ANKS1B: variants seen among roughly 807,000 people sequenced by gnomAD.
ANKS1B encodes the protein ankyrin repeat and sterile alpha motif domain-containing protein 1B.
Under a neutral mutation model 148.3 loss-of-function variants are expected in ANKS1B, and 36 were observed. The observed-to-expected ratio is 0.24, with a 90% CI of 0.19 to 0.32. ANKS1B has a LOEUF of 0.32. Ranked by LOEUF, ANKS1B falls within the 10% of genes least tolerant of loss-of-function variation. ANKS1B has a pLI of 1.00. For synonymous variants in ANKS1B, 542 were observed against 560.8 expected (o/e 0.97, Z 0.47); for missense variants, 1,157 against 1,542.6 (o/e 0.75, Z 4.19).
chr12:99,690,991 T>G (rs555021162), intron 8 of ANKS1B, among the ~76,000 whole-genome samples: 1 of 152,340 alleles, frequency 6.6e-6, no homozygotes, highest in South Asian at 2.1e-4. Context: ...CTGAAATCTA[T>G]GCAGAGATTC....
At chr12:99,871,334 C>G (rs2091489438) in intron 1 of ANKS1B, among the ~76,000 whole-genome samples, 2 of 152,050 alleles carry the variant, frequency 1.3e-5, no homozygotes, top group South Asian at 4.2e-4. Flanking sequence ...AGTGTGAACT[C>G]CAATAATGTG....
At chr12:98,792,208 T>C (rs2098877357) in intron 22 of ANKS1B, among the ~76,000 whole-genome samples, 1 of 152,240 alleles carries the variant, frequency 6.6e-6, no homozygotes, top group African/African-American at 2.4e-5. Context: ...ATTTCTGACT[T>C]AAAAATAATC....
intron 17 of ANKS1B, among the ~76,000 whole-genome samples, chr12:98,954,126 C>A (rs575547758): frequency 1.1e-4 from 17 of 152,258 alleles, no homozygotes; most frequent in African/African-American, 3.8e-4. Context: ...TAGCATGATC[C>A]TTGAAGTGAT....
intron 12 of ANKS1B, among the ~76,000 whole-genome samples, chr12:99,389,018 T>C (rs183331420): frequency 6.6e-6 from 1 of 152,210 alleles, no homozygotes; most frequent in East Asian, 2.0e-4. Flanking sequence ...TAGCAAGTTA[T>C]GGGCCTCACA....
intron 12 of ANKS1B, among the ~76,000 whole-genome samples, chr12:99,369,007 C>T (rs11836299): frequency 0.3 from 45,209 of 151,966 alleles, 7,745 homozygotes; most frequent in East Asian, 0.49. Context: ...TAAACCCTTA[C>T]GTGAAAGTTC....
chr12:99,413,367 A>G (rs1328389656), intron 11 of ANKS1B, among the ~76,000 whole-genome samples: 1 of 152,186 alleles, frequency 6.6e-6, no homozygotes, highest in Non-Finnish European at 1.5e-5. Context: ...CCCGAAAGAC[A>G]CCACACTATA....
intron 12 of ANKS1B, among the ~76,000 whole-genome samples, chr12:99,283,449 C>T (rs986897847): frequency 6.6e-6 from 1 of 152,134 alleles, no homozygotes; most frequent in Non-Finnish European, 1.5e-5. Context: ...ACTGTTTGTT[C>T]TCTTCCTGTG....
intron 4 of ANKS1B, among the ~76,000 whole-genome samples, chr12:99,792,497 C>T (rs1364534833): frequency 6.6e-6 from 1 of 151,638 alleles, no homozygotes; most frequent in Middle Eastern, 3.4e-3. Context: ...AACAAAACTC[C>T]AACAAACCAA....
chr12:98,846,944 A>G (rs1209513406), intron 17 of ANKS1B, among the ~76,000 whole-genome samples: 1 of 152,248 alleles, frequency 6.6e-6, no homozygotes, highest in African/African-American at 2.4e-5. Flanking sequence ...ACTTTATTCC[A>G]GTATGACTGA....
intron 12 of ANKS1B, among the ~76,000 whole-genome samples, chr12:99,263,116 G>C (rs554744429): frequency 6.6e-6 from 1 of 152,076 alleles, no homozygotes; most frequent in South Asian, 2.1e-4. Context: ...CGTAGGTGAG[G>C]AGTTGAATGC....
At chr12:99,765,751 G>A (rs765051578) in intron 8 of ANKS1B, among the ~76,000 whole-genome samples, 4 of 152,104 alleles carry the variant, frequency 2.6e-5, no homozygotes, top group African/African-American at 7.2e-5. Context: ...TATTTAGAAC[G>A]TCTGGACAAA....
intron 12 of ANKS1B, among the ~76,000 whole-genome samples, chr12:99,280,949 T>A (rs1188364736): frequency 1.4e-5 from 2 of 147,052 alleles, no homozygotes; most frequent in Non-Finnish European, 3.1e-5. Context: ...ACACACACTC[T>A]CTCTCTCTCT....
At chr12:99,648,212 A>AGTAGCTGTT (rs1171599489) in intron 9 of ANKS1B, 9 of 1,614,092 alleles carry the variant, frequency 5.6e-6, no homozygotes, top group Non-Finnish European at 6.8e-6. Context: ...TACACGGCCC[A>AGTAGCTGTT]AAGCAGCCCC....
At chr12:99,928,175 G>A (rs2094519093) in intron 1 of ANKS1B, among the ~76,000 whole-genome samples, 1 of 152,006 alleles carries the variant, frequency 6.6e-6, no homozygotes, top group Non-Finnish European at 1.5e-5. Flanking sequence ...AAAAATGGTG[G>A]CTTGGGTAAT....
intron 8 of ANKS1B, among the ~76,000 whole-genome samples, chr12:99,707,134 T>C (rs922968861): frequency 3.3e-5 from 5 of 152,088 alleles, no homozygotes; most frequent in Non-Finnish European, 4.4e-5. Flanking sequence ...AGACCATGAT[T>C]TGAGCACCTC....
At position 99,926,551 on chromosome 12, in the gene ANKS1B, C is replaced by T. The variant is rs115771183; in HGVS notation, c.134+57553G>A. ...CAGCTCTTCCTGGGTCTCAGGCCTG[C>T]TGGTCTTCAGAATGGAACCACATCG... On this transcript the variant is annotated intron_variant, in intron 1 of 26. Coordinates refer to ENST00000683438, the MANE Select transcript of ANKS1B (RefSeq NM_001352186.2). 4.0e-3 allele frequency among the ~76,000 whole-genome samples: 612 copies of T among 152,330 alleles called. 4 individuals carry two copies. The highest frequency in any genetic ancestry group is 0.014 in the African/African-American group (581 of 41,552).
chr12:99,126,784 C>G (rs1283606286), intron 15 of ANKS1B, among the ~76,000 whole-genome samples: 1 of 152,118 alleles, frequency 6.6e-6, no homozygotes, highest in Non-Finnish European at 1.5e-5. Flanking sequence ...TTCCTTATTT[C>G]TAAAAACAAA....
At chr12:99,827,382 G>C (rs1370530083) in intron 1 of ANKS1B, among the ~76,000 whole-genome samples, 1 of 151,974 alleles carries the variant, frequency 6.6e-6, no homozygotes, top group Admixed American at 6.6e-5. Flanking sequence ...AGATTGGTAG[G>C]GGGAGTAGAA....
chr12:99,410,064 G>A (rs1379796745), intron 11 of ANKS1B, among the ~76,000 whole-genome samples: 3 of 152,310 alleles, frequency 2.0e-5, no homozygotes, highest in Admixed American at 6.5e-5. Context: ...ATGTGCCAAA[G>A]CCAGGCTTCT....
Sources: allele counts gnomAD v4.1 joint callset (sites outside exome capture counted in the v4.1 genomes callset), GRCh38; gene constraint gnomAD v4.1.1; transcripts MANE v1.5; gene names NCBI Gene and HGNC (gene_info 2026-07-23, HGNC 2026-07-21).